CACNA1C: variants seen among roughly 807,000 people sequenced by gnomAD.
CACNA1C encodes the protein voltage-dependent L-type calcium channel subunit alpha-1C.
CACNA1C carries 30 observed loss-of-function variants against 229.0 expected under a neutral mutation model. The ratio of observed to expected loss-of-function variants is 0.13; its 90% CI spans 0.10 to 0.18. The LOEUF is 0.18. CACNA1C is among the 10% of genes least tolerant of loss of function. The pLI is 1.00. For missense variants in CACNA1C, 1,658 were observed against 2,845.0 expected, an observed-to-expected ratio of 0.58 and a Z score of 9.49; for synonymous variants, 1,114 against 1,132.5, an observed-to-expected ratio of 0.98 and a Z score of 0.33.
chr12:2,439,629 A>C (rs1297478211), intron 3 of CACNA1C, among the ~76,000 whole-genome samples: 1 of 152,190 alleles, frequency 6.6e-6, no homozygotes, highest in African/African-American at 2.4e-5. Context: ...GGAGGAAAGC[A>C]TACTCGCAAG....
Position 2,605,717 on chromosome 12 carries a change from C to T in CACNA1C, c.3087C>T (p.Ile1029=), listed in dbSNP as rs151211423. Residue 1029 remains isoleucine (I), a synonymous_variant, in exon 24 of 47, where the codon ATC becomes ATT. Transcript: ENST00000399655. This position sits in a 1 kb window ranked among gnomAD's most constrained non-coding sequence, Gnocchi z 6.2. ...VQCVFVAIRT[I]GNIVIVTTLL... is the part of the protein sequence containing the mutation. The stretch of plus-strand genomic sequence containing the variant: ...GTGTGTTTGTCGCCATCCGGACCAT[C>T]GGGAACATCGTGATTGTCACCACCC... The T allele has an allele frequency of 1.2e-5, 19 of 1,613,966 alleles. No individual in the cohort carries two copies. The highest frequency in any genetic ancestry group is 5.0e-5 in the Admixed American group (3 of 60,018).
intron 3 of CACNA1C, among the ~76,000 whole-genome samples, chr12:2,407,917 T>C (rs1348572534): frequency 6.6e-6 from 1 of 152,258 alleles, no homozygotes; most frequent in African/African-American, 2.4e-5. Flanking sequence ...ATAACTATTC[T>C]CCTCCAGCCA....
At chr12:2,412,179 A>ACAGCCC (rs2098815523) in intron 3 of CACNA1C, among the ~76,000 whole-genome samples, 2 of 151,696 alleles carry the variant, frequency 1.3e-5, no homozygotes. Context: ...TTCCCTCACC[A>ACAGCCC]CAGCCCCAGC....
At chr12:2,050,326 C>T (rs544003770), upstream of CACNA1C, among the ~76,000 whole-genome samples, 15 of 152,212 alleles carry the variant, frequency 9.9e-5, no homozygotes, top group African/African-American at 2.9e-4. Context: ...ATTCAAGTCT[C>T]GAAGTCTCAG....
chr12:2,004,515 G>A (rs1196367881), intron 1 of CACNA1C: 14 of 1,509,878 alleles, frequency 9.3e-6, no homozygotes, highest in Admixed American at 2.1e-5. Context: ...CCTCGCAACC[G>A]AGAACCCACG....
At chr12:2,309,492 TACACAC>T (rs375903186) in intron 3 of CACNA1C, among the ~76,000 whole-genome samples, 3 of 146,298 alleles carry the variant, frequency 2.1e-5, no homozygotes, top group South Asian at 2.2e-4. Flanking sequence ...CACACACACA[TACACAC>T]ACACACACAC....
intron 3 of CACNA1C, among the ~76,000 whole-genome samples, chr12:2,233,799 A>G (rs994656961): frequency 1.2e-4 from 18 of 152,156 alleles, no homozygotes; most frequent in South Asian, 2.1e-4. Context: ...GTTGGGGTAT[A>G]GGGGAGGCAT....
At chr12:2,645,426 G>A (rs534001512) in intron 30 of CACNA1C, among the ~76,000 whole-genome samples, 1 of 152,334 alleles carries the variant, frequency 6.6e-6, no homozygotes, top group Admixed American at 6.5e-5. Context: ...TAGAACTGAT[G>A]CTTTGTAGTT....
chr12:2,693,912 G>T lies in CACNA1C; in HGVS notation c.*2713G>T, dbSNP rs979016626. ...AATAAGGGACAGTCCATTCCTCTAT[G>T]ACAGCTTGCTGGACTGATTCATGAC... On this transcript the variant is annotated 3_prime_UTR_variant, in exon 47 of 47. Transcript: ENST00000399655. 2 of 152,166 alleles carry T rather than the reference G, an allele frequency of 1.3e-5. No homozygotes were observed. Among genetic ancestry groups the T allele is most frequent in the Non-Finnish European group, 2.9e-5 (2 of 68,042 alleles). 9.4% of individuals were successfully genotyped at this position (152,166 alleles called of 1,614,324 possible).
intron 1 of CACNA1C, among the ~76,000 whole-genome samples, chr12:2,080,677 GAGA>G (rs751361025): frequency 2.6e-5 from 4 of 152,012 alleles, no homozygotes; most frequent in Non-Finnish European, 4.4e-5. Context: ...TATGAAAAAG[GAGA>G]AGATTTTTAA....
In CACNA1C at chr12:2,693,621, G is replaced by A. The variant is rs2097811977; in HGVS notation, c.*2422G>A. ...TTTGGGCTGCCGGGGAGGGGGCCAG[G>A]ACAAGGGAAGAGGCATCCGGAGCTC... On this transcript the variant is annotated 3_prime_UTR_variant, in exon 47 of 47. Coordinates refer to ENST00000399655, the MANE Select transcript of CACNA1C (RefSeq NM_000719.7). 6.6e-6 allele frequency: 1 copy of A among 152,268 alleles called. No individual in the cohort carries two copies. Among genetic ancestry groups the A allele is most frequent in the Non-Finnish European group, 1.5e-5 (1 of 68,136 alleles). 9.4% of individuals were successfully genotyped at this position (152,268 alleles called of 1,614,324 possible).
intron 13 of CACNA1C, among the ~76,000 whole-genome samples, chr12:2,576,231 G>A (rs770448478): frequency 2.6e-5 from 4 of 152,160 alleles, no homozygotes; most frequent in African/African-American, 9.7e-5. Flanking sequence ...GAGCAGGGAC[G>A]CACAGTTTGG....
At chr12:2,050,234 T>C (rs573751888), upstream of CACNA1C, among the ~76,000 whole-genome samples, 1 of 152,274 alleles carries the variant, frequency 6.6e-6, no homozygotes, top group African/African-American at 2.4e-5. Context: ...AAGATAATAG[T>C]AGAGACTGAG....
rs961659240 is a variant in CACNA1C at position 2,578,561 on chromosome 12, A to T, written c.1896-3029A>T. Among the ~76,000 whole-genome samples the T allele has an allele frequency of 1.1e-4, 17 of 152,206 alleles. No homozygotes were observed. The East Asian group carries it at 3.3e-3, about 29-fold the overall frequency. ...CGGAGCGGGGGTCCAGGCAGTGAGG[A>T]TGAGGAGGCGGTGGGAAGTGGCCAA... On this transcript the variant is annotated intron_variant, in intron 13 of 46. Transcript: ENST00000399655.
At chr12:2,673,595 G>A (rs894709659) in intron 38 of CACNA1C, among the ~76,000 whole-genome samples, 3 of 152,178 alleles carry the variant, frequency 2.0e-5, no homozygotes, top group Non-Finnish European at 4.4e-5. Flanking sequence ...CTCTTCTGGA[G>A]GCTCTGGGGG....
intron 3 of CACNA1C, among the ~76,000 whole-genome samples, chr12:2,356,195 G>C (rs1035605843): frequency 1.3e-5 from 2 of 152,216 alleles, no homozygotes; most frequent in Non-Finnish European, 2.9e-5. Context: ...ACCTAGACTG[G>C]GGACTTAGGG....
chr12:2,207,302 G>A (rs530617733), intron 3 of CACNA1C, among the ~76,000 whole-genome samples: 21 of 152,308 alleles, frequency 1.4e-4, no homozygotes, highest in South Asian at 4.1e-4. Context: ...CCATGGGGCT[G>A]TGTGAAGTCA....
At position 2,177,630 on chromosome 12, in the gene CACNA1C, C is replaced by T. The variant is rs866721684; in HGVS notation, c.477+57200C>T. Among the ~76,000 whole-genome samples the T allele has an allele frequency of 1.0e-3, 73 of 70,724 alleles. 3 individuals carry two copies. In the East Asian group the frequency reaches 0.012, roughly 11 times the overall value. The allele number at this position is 70,724 out of a possible 152,430, so 46.4% of individuals were successfully genotyped here. A position where few individuals can be genotyped will look rare whatever the true frequency, so the allele number is the denominator to read the frequency against. ...CTTCCTTCCTTCCTTCCTTCCTTCT[C>T]TCTCTCTTTCTTTCTTTCTTTCTTT... On this transcript the variant is annotated intron_variant, in intron 3 of 46. Transcript: ENST00000399655.
chr12:2,067,449 CGT>C lies in CACNA1C; in HGVS notation c.49+13870_49+13871del, dbSNP rs1555107490. 0.038 allele frequency among the ~76,000 whole-genome samples: 5,396 copies of C among 141,440 alleles called. 224 individuals are homozygous for C. Among genetic ancestry groups the C allele is most frequent in the African/African-American group, 0.12 (4,397 of 37,748 alleles). 92.8% of individuals were successfully genotyped at this position (141,440 alleles called of 152,430 possible). ...GCTTAGGACTGTGGACTAGGATGCA[CGT>C]GTGTGTGTGTGTGTGTGTGTGTGTG... is the stretch of plus-strand genomic sequence containing the variant. On this transcript the variant is annotated intron_variant, in intron 1 of 46. Coordinates refer to ENST00000399655, the MANE Select transcript of CACNA1C (RefSeq NM_000719.7). This position sits in a 1 kb window ranked among gnomAD's most constrained non-coding sequence, Gnocchi z 5.3.
Sources: allele counts gnomAD v4.1 joint callset (sites outside exome capture counted in the v4.1 genomes callset), GRCh38; gene constraint gnomAD v4.1.1; non-coding constraint Gnocchi (gnomAD v3.1); transcripts MANE v1.5; gene names NCBI Gene and HGNC (gene_info 2026-07-23, HGNC 2026-07-21).